The following AHCYL1 variants were observed in gnomAD, a reference collection of about 807,000 sequenced individuals.
The protein encoded by AHCYL1 is S-adenosylhomocysteine hydrolase-like protein 1.
Under a neutral mutation model 79.3 loss-of-function variants are expected in AHCYL1, and 20 were observed. The ratio of observed to expected loss-of-function variants is 0.25; its 90% CI spans 0.18 to 0.37. The LOEUF (loss-of-function observed/expected upper bound fraction) is 0.37, where lower values mean the gene tolerates loss of function less well. Ranked by LOEUF, AHCYL1 falls within the 10% of genes least tolerant of loss-of-function variation. AHCYL1 has a pLI of 1.00. For synonymous variants in AHCYL1, 223 were observed against 242.2 expected, an observed-to-expected ratio of 0.92 and a Z score of 0.74; for missense variants, 330 against 673.6, an observed-to-expected ratio of 0.49 and a Z score of 5.65.
chr1:110,017,625 C>T (rs1411908669), intron 10 of AHCYL1, 42 bp downstream of exon 10: 4 of 1,576,694 alleles, frequency 2.5e-6, no homozygotes, highest in Non-Finnish European at 3.5e-6. Context: ...ACTCTAGGTG[C>T]TTTATGTTAT....
intron 1 of AHCYL1, among the ~76,000 whole-genome samples, chr1:109,998,726 C>T (rs1174182879): frequency 6.6e-6 from 1 of 152,210 alleles, no homozygotes; most frequent in Non-Finnish European, 1.5e-5. Context: ...GATCCACCCA[C>T]CTTGGCCTCC....
intron 16 of AHCYL1, 125 bp downstream of exon 16, chr1:110,020,976 G>A: frequency 7.2e-7 from 1 of 1,396,142 alleles, no homozygotes; most frequent in Non-Finnish European, 9.5e-7. Context: ...ATCTGTTCCA[G>A]GCCAGGCACG....
intron 10 of AHCYL1, 33 bp from the exon 11 acceptor site, chr1:110,017,913 C>A: frequency 1.2e-6 from 2 of 1,609,236 alleles, no homozygotes; most frequent in African/African-American, 1.3e-5. Context: ...TGCCTTCTTG[C>A]TTTACTCATA....
Position 110,017,505 on chromosome 1 carries a change from G to A in AHCYL1, c.974G>A (p.Gly325Asp). The A allele has an allele frequency of 6.2e-7, 1 of 1,614,012 alleles. No individual in the cohort carries two copies. Among genetic ancestry groups the A allele is most frequent in the Non-Finnish European group, 8.5e-7 (1 of 1,179,994 alleles). The change falls in exon 10 of 17, where the codon GGC becomes GAC. Residue 325 changes from glycine to aspartate, a missense_variant. Coordinates refer to ENST00000369799, the MANE Select transcript of AHCYL1 (RefSeq NM_006621.7). ...TCTTTTGTTCTGCAGGTAGGCAAGGGCTGCTGTGCTGCTCTCAAAGCTCTT... is the reference window on the plus strand; with the variant it reads ...TCTTTTGTTCTGCAGGTAGGCAAGGACTGCTGTGCTGCTCTCAAAGCTCTT... ...VVCGYGEVGK[G>D]CCAALKALGA...
intron 5 of AHCYL1, among the ~76,000 whole-genome samples, chr1:110,013,429 G>A (rs1320238124): frequency 1.2e-4 from 19 of 152,172 alleles, no homozygotes; most frequent in Admixed American, 1.2e-3. Context: ...TATTATTCAG[G>A]CCAGGCCTGG....
intron 1 of AHCYL1, among the ~76,000 whole-genome samples, chr1:110,007,145 A>C (rs1281721101): frequency 6.6e-6 from 1 of 152,150 alleles, no homozygotes; most frequent in African/African-American, 2.4e-5. Flanking sequence ...TGCAAGTGTT[A>C]TTGCAGTTCC....
Position 110,020,627 on chromosome 1 carries a change from C to A in AHCYL1, c.1466-104C>A, listed in dbSNP as rs115783276. 2.1e-3 allele frequency: 2,948 copies of A among 1,387,686 alleles called. 61 individuals are homozygous for A. The African/African-American group carries it at 0.04, about 19-fold the overall frequency. The allele number at this position is 1,387,686 out of a possible 1,614,324, so 86.0% of individuals were successfully genotyped here. ...GTGGATTCTTTCAGAGTTATTCCAT[C>A]CCTTGTCTGCTTTCTTAAAAAAGCT... On this transcript the variant is annotated intron_variant, in intron 15 of 16. Transcript: ENST00000369799.
chr1:110,012,920 C>T lies in AHCYL1; in HGVS notation c.501C>T (p.Ala167=). Residue 167 remains alanine, a synonymous_variant, in exon 5 of 17, where the codon GCC becomes GCT. Coordinates refer to ENST00000369799, the MANE Select transcript of AHCYL1 (RefSeq NM_006621.7). The stretch of plus-strand genomic sequence containing the variant: ...AGGTGTTGATTGAGACACTCTGTGC[C>T]CTGGGGGCTCAGTGCCGCTGGTCTG... ...QTAVLIETLC[A]LGAQCRWSAC... 1 of 1,612,524 alleles carries T rather than the reference C, an allele frequency of 6.2e-7. No homozygotes were observed. Among genetic ancestry groups the T allele is most frequent in the Non-Finnish European group, 8.5e-7 (1 of 1,179,662 alleles).
rs538903558 is a variant in AHCYL1 at position 109,993,115 on chromosome 1, C to T, written c.120+7943C>T. Reference sequence around the variant, plus strand: ...TTAACACACATTCGAACCGGCATTTCGGCCACTTTGGGGGAATTTTTGGTA... The same window carrying T: ...TTAACACACATTCGAACCGGCATTTTGGCCACTTTGGGGGAATTTTTGGTA... On this transcript the variant is annotated intron_variant, in intron 1 of 16. Transcript: ENST00000369799. Among the ~76,000 whole-genome samples, 4 of 152,270 alleles carry T rather than the reference C, an allele frequency of 2.6e-5. No individual in the cohort carries two copies. The South Asian group carries it at 8.3e-4, about 32-fold the overall frequency.
intron 11 of AHCYL1, 71 bp from the exon 12 acceptor site, chr1:110,018,302 T>C: frequency 6.8e-7 from 1 of 1,465,748 alleles, no homozygotes; most frequent in Non-Finnish European, 9.5e-7. Context: ...TCTCCTATGT[T>C]CTACCTGAAA....
chr1:110,014,965 C>CT, intron 6 of AHCYL1, 108 bp downstream of exon 6: 1 of 1,028,182 alleles, frequency 9.7e-7, no homozygotes, highest in Non-Finnish European at 1.5e-6. Flanking sequence ...TATGCACTGA[C>CT]TTTGTTGCTA....
intron 1 of AHCYL1, chr1:110,003,947 T>TA (rs1226325157): frequency 2.0e-5 from 20 of 985,290 alleles, no homozygotes; most frequent in Non-Finnish European, 2.4e-5. Context: ...GTGAAGTGTT[T>TA]AGTCTTACAG....
intron 1 of AHCYL1, among the ~76,000 whole-genome samples, chr1:109,993,685 A>T (rs1301647329): frequency 6.6e-6 from 1 of 152,224 alleles, no homozygotes; most frequent in East Asian, 1.9e-4. Context: ...GGGAGAAGAC[A>T]TCTGAATATA....
chr1:109,990,422 A>G (rs549765321), intron 1 of AHCYL1, among the ~76,000 whole-genome samples: 1 of 152,318 alleles, frequency 6.6e-6, no homozygotes, highest in African/African-American at 2.4e-5. Context: ...ATGCAGTCCA[A>G]GGAGTGCCTC....
intron 1 of AHCYL1, among the ~76,000 whole-genome samples, chr1:109,985,932 T>C (rs957710986): frequency 6.6e-6 from 1 of 152,184 alleles, no homozygotes; most frequent in Non-Finnish European, 1.5e-5. Context: ...AAGTTTGATC[T>C]ATTGTGCTGT....
rs373804486 is a variant in AHCYL1, at chr1:109,993,116, G to A, written c.120+7944G>A. Among the ~76,000 whole-genome samples, 9 of 152,076 alleles carry A rather than the reference G, an allele frequency of 5.9e-5. No individual in the cohort carries two copies. The East Asian group carries it at 1.3e-3, about 23-fold the overall frequency. ...TAACACACATTCGAACCGGCATTTC[G>A]GCCACTTTGGGGGAATTTTTGGTAT... is the stretch of plus-strand genomic sequence containing the variant. On this transcript the variant is annotated intron_variant, in intron 1 of 16. Transcript: ENST00000369799.
rs568670279 is a variant in AHCYL1, at chr1:110,019,412, A to G, written c.1387-136A>G. 5 of 808,800 alleles carry G rather than the reference A, an allele frequency of 6.2e-6. No individual in the cohort carries two copies. In the Admixed American group the frequency reaches 9.6e-5, roughly 16 times the overall value. The allele number at this position is 808,800 out of a possible 1,614,324, so 50.1% of individuals were successfully genotyped here. ...CTTAGGATGTGTGCTGCCCTTTAGT[A>G]TAGGCAAAGTCCTAGGTACTGTGAC... On this transcript the variant is annotated intron_variant, in intron 14 of 16. Transcript: ENST00000369799.
Position 110,021,698 on chromosome 1 carries a change from G to A in AHCYL1, c.*18G>A, listed in dbSNP as rs569978123. On this transcript the variant is annotated 3_prime_UTR_variant, in exon 17 of 17. Transcript: ENST00000369799. Reference sequence around the variant, plus strand: ...GATACTAATGGACCATACTACCAAGGACCAGTCCACCTGAACCACACACTC... The same window carrying A: ...GATACTAATGGACCATACTACCAAGAACCAGTCCACCTGAACCACACACTC... 1.1e-5 allele frequency: 18 copies of A among 1,609,946 alleles called. No individual in the cohort carries two copies. The highest frequency in any genetic ancestry group is 1.4e-5 in the Non-Finnish European group (16 of 1,177,028).
chr1:109,993,124 T>C (rs1649854344), intron 1 of AHCYL1, among the ~76,000 whole-genome samples: 1 of 152,184 alleles, frequency 6.6e-6, no homozygotes, highest in South Asian at 2.1e-4. Context: ...TCGGCCACTT[T>C]GGGGGAATTT....
Sources: gnomAD v4.1 joint callset for allele counts (sites outside exome capture counted in the v4.1 genomes callset) on GRCh38, gnomAD v4.1.1 for gene constraint, MANE v1.5 for transcripts, NCBI Gene and HGNC (gene_info 2026-07-23, HGNC 2026-07-21) for gene names.